Variants in UBR3 observed in about 807,000 individuals in gnomAD.
UBR3 encodes the protein E3 ubiquitin-protein ligase UBR3.
A neutral mutation model predicts 243.2 loss-of-function variants in UBR3; 85 were observed. That is an observed-to-expected ratio of 0.35 (90% CI 0.29 to 0.42). The LOEUF (loss-of-function observed/expected upper bound fraction) is 0.42, where lower values mean the gene tolerates loss of function less well. Among genes scored for constraint, UBR3 ranks in the 10% least tolerant of loss-of-function variants. The pLI is 1.00. For missense variants in UBR3, 1,686 were observed against 2,300.8 expected, an observed-to-expected ratio of 0.73 and a Z score of 5.47; for synonymous variants, 748 against 799.8, an observed-to-expected ratio of 0.94 and a Z score of 1.09.
intron 20 of UBR3, among the ~76,000 whole-genome samples, chr2:169,945,702 G>A (rs1461619854): frequency 6.6e-6 from 1 of 152,160 alleles, no homozygotes; most frequent in Non-Finnish European, 1.5e-5. Context: ...TATTGAATGA[G>A]TGATTGGTGT....
chr2:169,896,016 G>T (rs1574146340), intron 7 of UBR3, among the ~76,000 whole-genome samples: 1 of 152,110 alleles, frequency 6.6e-6, no homozygotes, highest in Admixed American at 6.5e-5. Flanking sequence ...AATAAATACG[G>T]CTGGGCGTGG....
chr2:170,066,993 T>TAATAAA lies in UBR3; in HGVS notation c.5019+5552_5019+5553insTAAAAA, dbSNP rs71006067. Among the ~76,000 whole-genome samples the TAATAAA allele has an allele frequency of 1.3e-4, 19 of 144,276 alleles. 1 individual carries two copies. The highest frequency in any genetic ancestry group is 2.1e-4 in the Non-Finnish European group (14 of 66,002). The allele number at this position is 144,276 out of a possible 152,430, so 94.7% of individuals were successfully genotyped here. On this transcript the variant is annotated intron_variant, in intron 35 of 38. Transcript: ENST00000272793. ...ATAATAATAATAATAATAATAATAA[T>TAATAAA]AAACTTCATTATAACTGAGAGGTAG...
At chr2:169,916,817 C>T (rs1447405653) in intron 11 of UBR3, among the ~76,000 whole-genome samples, 2 of 152,032 alleles carry the variant, frequency 1.3e-5, no homozygotes, top group Non-Finnish European at 2.9e-5. Context: ...GTGTGGGTCC[C>T]CTCTGACTCT....
At chr2:169,840,184 C>T (rs1416571295) in intron 1 of UBR3, among the ~76,000 whole-genome samples, 1 of 152,174 alleles carries the variant, frequency 6.6e-6, no homozygotes, top group Non-Finnish European at 1.5e-5. Context: ...TTAAGGCCCA[C>T]TGTTTTACTG....
In UBR3 at chr2:170,077,045, G is replaced by A. The variant is rs536282770; in HGVS notation, c.5200-2769G>A. Among the ~76,000 whole-genome samples the A allele has an allele frequency of 4.6e-5, 7 of 152,282 alleles. No homozygotes were observed. In the South Asian group the frequency reaches 1.0e-3, roughly 23 times the overall value. On this transcript the variant is annotated intron_variant, in intron 36 of 38. Transcript: ENST00000272793. The stretch of plus-strand genomic sequence containing the variant: ...AGCTTGTAAATCCGCAGAAGAGTCC[G>A]GAATAGCAGTGAAGCAGAAATTTAA...
chr2:169,855,275 T>C lies in UBR3; in HGVS notation c.546-16961T>C, dbSNP rs149157367. On this transcript the variant is annotated intron_variant, in intron 1 of 38. Transcript: ENST00000272793. ...ATAAATTTTTGCCAGATTGTTCTCATATATAATACGCTAATTTGTACTCCT... is the reference window on the plus strand; with the variant it reads ...ATAAATTTTTGCCAGATTGTTCTCACATATAATACGCTAATTTGTACTCCT... Among the ~76,000 whole-genome samples, 465 of 152,360 alleles carry C rather than the reference T, an allele frequency of 3.1e-3. 9 individuals are homozygous for C. The highest frequency in any genetic ancestry group is 0.012 in the East Asian group (63 of 5,196).
chr2:170,080,866 A>G (rs1312470070), intron 38 of UBR3, among the ~76,000 whole-genome samples, 182 bp downstream of exon 38: 1 of 152,140 alleles, frequency 6.6e-6, no homozygotes, highest in Non-Finnish European at 1.5e-5. Flanking sequence ...GAAACATGAA[A>G]TACACCAAAT....
chr2:169,858,046 A>G (rs915324047), intron 1 of UBR3, among the ~76,000 whole-genome samples: 1 of 152,246 alleles, frequency 6.6e-6, no homozygotes, highest in Non-Finnish European at 1.5e-5. Context: ...TTGTGTAACA[A>G]ATCACTCTAA....
intron 14 of UBR3, 77 bp from the exon 15 acceptor site, chr2:169,926,615 A>G (rs1290041260): frequency 8.5e-6 from 12 of 1,412,738 alleles, no homozygotes; most frequent in South Asian, 6.9e-5. Context: ...AAAACAAAAA[A>G]AAGTATAGAA....
intron 5 of UBR3, among the ~76,000 whole-genome samples, chr2:169,890,567 G>GTGTGTATATATATATGTATATATA (rs1475776277): frequency 1.7e-5 from 1 of 59,560 alleles, no homozygotes; most frequent in African/African-American, 7.7e-5. Context: ...ATATATATGT[G>GTGTGTATATATATATGTATATATA]TATATATATA....
intron 6 of UBR3, 31 bp from the exon 7 acceptor site, chr2:169,895,150 T>C (rs1436018035): frequency 1.8e-5 from 26 of 1,481,768 alleles, no homozygotes; most frequent in Non-Finnish European, 2.3e-5. Flanking sequence ...ACTTCAATCA[T>C]TAACTGATAA....
intron 35 of UBR3, among the ~76,000 whole-genome samples, chr2:170,071,272 A>G (rs2091692233): frequency 2.0e-5 from 3 of 152,228 alleles, no homozygotes; most frequent in Non-Finnish European, 4.4e-5. Flanking sequence ...TTCTAAATGA[A>G]TGTTCATAAT....
intron 1 of UBR3, among the ~76,000 whole-genome samples, chr2:169,861,307 G>A (rs773140702): frequency 8.6e-5 from 13 of 152,016 alleles, no homozygotes; most frequent in Admixed American, 8.5e-4. Flanking sequence ...TTTCCTACTC[G>A]TCTTTTCAAA....
intron 35 of UBR3, among the ~76,000 whole-genome samples, chr2:170,068,923 T>C (rs1456815329): frequency 6.6e-6 from 1 of 152,074 alleles, no homozygotes; most frequent in Non-Finnish European, 1.5e-5. Flanking sequence ...AAATAGAAAA[T>C]CTGAATATAT....
chr2:169,894,323 A>G (rs949691001), intron 6 of UBR3, among the ~76,000 whole-genome samples: 6 of 6,918 alleles, frequency 8.7e-4, no homozygotes, highest in Non-Finnish European at 1.4e-3. Context: ...GACTCTTAAG[A>G]AAAAAAAAAA....
At chr2:169,852,406 T>G (rs1486836760) in intron 1 of UBR3, among the ~76,000 whole-genome samples, 2 of 152,210 alleles carry the variant, frequency 1.3e-5, no homozygotes, top group Admixed American at 1.3e-4. Flanking sequence ...GGCAGCTTGT[T>G]TTGGTAAATA....
intron 35 of UBR3, among the ~76,000 whole-genome samples, chr2:170,070,597 AAGAAACCTATT>A (rs556752648): frequency 2.6e-5 from 4 of 152,286 alleles, no homozygotes; most frequent in Admixed American, 2.6e-4. Flanking sequence ...GGAATCTCCA[AAGAAACCTATT>A]AGAGCTAATA....
intron 31 of UBR3, among the ~76,000 whole-genome samples, chr2:170,034,654 G>T (rs1014762175): frequency 1.3e-5 from 2 of 150,872 alleles, no homozygotes; most frequent in African/African-American, 4.9e-5. Context: ...AGGTTTTTGC[G>T]TATATAAGTT....
In UBR3 at chr2:169,961,136, A is replaced by G. The variant is rs986546578; in HGVS notation, c.3634+2610A>G. 2.6e-4 allele frequency among the ~76,000 whole-genome samples: 40 copies of G among 152,056 alleles called. 1 individual carries two copies. Among genetic ancestry groups the G allele is most frequent in the African/African-American group, 7.5e-4 (31 of 41,462 alleles). ...GCCTTTATGATATCTCTATTATTCT[A>G]TCTACTCAATCATACAGTAGTCTTT... On this transcript the variant is annotated intron_variant, in intron 24 of 38. Transcript: ENST00000272793.
Sources: gnomAD v4.1 joint callset for allele counts (sites outside exome capture counted in the v4.1 genomes callset) on GRCh38, gnomAD v4.1.1 for gene constraint, MANE v1.5 for transcripts, NCBI Gene and HGNC (gene_info 2026-07-23, HGNC 2026-07-21) for gene names.